BBS2: variants seen among roughly 807,000 people sequenced by gnomAD.
The protein encoded by BBS2 is Bardet-Biedl syndrome 2, also known as BBSome complex member BBS2.
In BBS2, 62 loss-of-function variants were observed where a neutral mutation model predicts 83.0. That is an observed-to-expected ratio of 0.75 (90% CI 0.61 to 0.92). BBS2 has a LOEUF of 0.92. BBS2 is among the 40% of genes least tolerant of loss of function. The pLI is 0.00. For missense variants in BBS2, 784 were observed against 901.0 expected, an observed-to-expected ratio of 0.87 and a Z score of 1.66; for synonymous variants, 303 against 326.1, an observed-to-expected ratio of 0.93 and a Z score of 0.76.
intron 7 of BBS2, among the ~76,000 whole-genome samples, chr16:56,503,394 A>G (rs1178720132): frequency 2.0e-5 from 3 of 152,226 alleles, no homozygotes; most frequent in Non-Finnish European, 4.4e-5. Context: ...AAATGTATAA[A>G]GTATGTTGAA....
chr16:56,506,270 A>C (rs371255253), intron 5 of BBS2, 46 bp from the exon 6 acceptor site: 7 of 1,439,056 alleles, frequency 4.9e-6, no homozygotes, highest in African/African-American at 4.2e-5. Context: ...ATTAAGACTC[A>C]GTTTACTGTC....
chr16:56,493,383 CAAAAAAAA>C (rs1177705335), intron 15 of BBS2, among the ~76,000 whole-genome samples: 7 of 24,026 alleles, frequency 2.9e-4, no homozygotes, highest in Middle Eastern at 0.026. Flanking sequence ...GACCTTGTCT[CAAAAAAAA>C]AAAAAAAAAA....
intron 15 of BBS2, among the ~76,000 whole-genome samples, chr16:56,491,194 G>A (rs892213428): frequency 1.4e-4 from 21 of 152,118 alleles, no homozygotes; most frequent in African/African-American, 3.9e-4. Flanking sequence ...GTTCGTCCCC[G>A]CCAAAACTCA....
chr16:56,506,688 C>T (rs1284666612), intron 5 of BBS2, among the ~76,000 whole-genome samples: 2 of 152,176 alleles, frequency 1.3e-5, no homozygotes, highest in African/African-American at 2.4e-5. Context: ...CATGTATACA[C>T]TTTTCTTTCT....
chr16:56,510,114 A>AAAAACAAT (rs1964535557), intron 4 of BBS2, 80 bp from the exon 5 acceptor site: 1 of 1,266,476 alleles, frequency 7.9e-7, no homozygotes, highest in Non-Finnish European at 1.1e-6. Flanking sequence ...AAAATTGCAC[A>AAAAACAAT]GTACTTTGCA....
intron 12 of BBS2, chr16:56,498,794 T>G: frequency 8.4e-7 from 1 of 1,196,386 alleles, no homozygotes; most frequent in Non-Finnish European, 1.1e-6. Context: ...ACCTATGCTC[T>G]TAAGTAACAT....
rs745726316 is a variant in BBS2, at chr16:56,509,940, G to A, written c.612+17C>T. On this transcript the variant is annotated intron_variant, in intron 5 of 16. Transcript: ENST00000245157. Reference sequence around the variant, plus strand: ...ATCTTGCTCAAGGTTACCATAGTTCGAGGTGGAGCTTCTTACCTCTGTTTC... The same window carrying A: ...ATCTTGCTCAAGGTTACCATAGTTCAAGGTGGAGCTTCTTACCTCTGTTTC... The A allele has an allele frequency of 1.2e-5, 19 of 1,612,704 alleles. No homozygotes were observed. The East Asian group carries it at 1.6e-4, about 13-fold the overall frequency.
chr16:56,495,906 A>T (rs939304689), intron 15 of BBS2, among the ~76,000 whole-genome samples: 2 of 151,918 alleles, frequency 1.3e-5, no homozygotes, highest in Admixed American at 1.3e-4. Context: ...CCTGGGAGGG[A>T]AAGAGGGTGA....
chr16:56,506,516 A>G (rs1267108048), intron 5 of BBS2, among the ~76,000 whole-genome samples: 1 of 152,224 alleles, frequency 6.6e-6, no homozygotes, highest in Non-Finnish European at 1.5e-5. Flanking sequence ...CTGAAGGACT[A>G]AGGAAAACAT....
intron 1 of BBS2, chr16:56,519,403 G>A: frequency 4.4e-6 from 1 of 226,250 alleles, no homozygotes; most frequent in South Asian, 8.6e-5. Context: ...CAAGTGACAA[G>A]CAGAGGCCCC....
At chr16:56,508,677 TC>T (rs1432253054) in intron 5 of BBS2, among the ~76,000 whole-genome samples, 2 of 90 alleles carry the variant, frequency 0.022, no homozygotes, top group African/African-American at 0.11. Context: ...AGAGTCTTGT[TC>T]TCGTTGCCCC....
chr16:56,503,507 C>A (rs1454068814), intron 7 of BBS2, among the ~76,000 whole-genome samples: 1 of 152,172 alleles, frequency 6.6e-6, no homozygotes, highest in Non-Finnish European at 1.5e-5. Flanking sequence ...TATTCAGATA[C>A]TTTAGAGAGC....
In BBS2 at chr16:56,502,470, A is replaced by G. The variant is rs1203495944; in HGVS notation, c.941-14T>C. On this transcript the variant is annotated splice_polypyrimidine_tract_variant and intron_variant, in intron 8 of 16. Coordinates refer to ENST00000245157, the MANE Select transcript of BBS2 (RefSeq NM_031885.5). ...GGTAGCCCCGGACTGAACAGAAGGA[A>G]AAAACCGCAAGTATAACCAGGTATA... is the stretch of plus-strand genomic sequence containing the variant. 3 of 1,614,100 alleles carry G rather than the reference A, an allele frequency of 1.9e-6. No homozygotes were observed. The African/African-American group carries it at 4.0e-5, about 22-fold the overall frequency.
chr16:56,499,318 G>A (rs1964197638), intron 12 of BBS2: 1 of 226,786 alleles, frequency 4.4e-6, no homozygotes, highest in African/African-American at 2.3e-5. Flanking sequence ...CCGCAATAAG[G>A]TGGGTAAGAT....
At chr16:56,515,099 C>G (rs1400995426) in intron 1 of BBS2, among the ~76,000 whole-genome samples, 1 of 150,550 alleles carries the variant, frequency 6.6e-6, no homozygotes, top group Non-Finnish European at 1.5e-5. Flanking sequence ...TTCATCCAAG[C>G]ACCTAATGAA....
In BBS2 at chr16:56,502,577, A is replaced by T. The variant is rs559044183; in HGVS notation, c.940+96T>A. 1.7e-4 allele frequency: 270 copies of T among 1,610,478 alleles called. No homozygotes were observed. In the African/African-American group the frequency reaches 3.1e-3, roughly 19 times the overall value. On this transcript the variant is annotated intron_variant, in intron 8 of 16. Transcript: ENST00000245157. The stretch of plus-strand genomic sequence containing the variant: ...TTGGTGAATTTATTAGAACTACAGG[A>T]TCTCGGTACAAATACTTCAGGTGAA...
downstream of BBS2, among the ~76,000 whole-genome samples, chr16:56,480,376 A>AAACAAAAAAAAAC (rs1555519799): frequency 7.0e-6 from 1 of 142,402 alleles, no homozygotes; most frequent in East Asian, 2.0e-4. Flanking sequence ...CAAAAAAAAA[A>AAACAAAAAAAAAC]ACAAAGCTTG....
In BBS2 at chr16:56,494,506, G is replaced by A. The variant is rs575740553; in HGVS notation, c.1910+2461C>T. ...TTCTCATGTAAAAGAACCAGGACTC[G>A]AGAGAAATGGCTGGTTCCATATGAA... On this transcript the variant is annotated intron_variant, in intron 15 of 16. Coordinates refer to ENST00000245157, the MANE Select transcript of BBS2 (RefSeq NM_031885.5). Among the ~76,000 whole-genome samples the A allele has an allele frequency of 2.9e-4, 44 of 152,204 alleles. 1 individual carries two copies. The highest frequency in any genetic ancestry group is 1.0e-3 in the African/African-American group (42 of 41,540).
chr16:56,470,651 C>T, exon 18 of BBS2: 7 of 1,614,138 alleles, frequency 4.3e-6, no homozygotes, highest in Non-Finnish European at 5.9e-6. Flanking sequence ...AAAAAAGAGG[C>T]AGAAACCACT....
Sources: gnomAD v4.1 joint callset for allele counts (sites outside exome capture counted in the v4.1 genomes callset) on GRCh38, gnomAD v4.1.1 for gene constraint, MANE v1.5 for transcripts, NCBI Gene and HGNC (gene_info 2026-07-23, HGNC 2026-07-21) for gene names.